The following SPTBN1 variants were observed in gnomAD, a reference collection of about 807,000 sequenced individuals.
The protein encoded by SPTBN1 is spectrin beta, non-erythrocytic 1.
In SPTBN1, 32 loss-of-function variants were observed where a neutral mutation model predicts 266.4. The ratio of observed to expected loss-of-function variants is 0.12; its 90% CI spans 0.09 to 0.16. The LOEUF is 0.16. SPTBN1 is among the 10% of genes least tolerant of loss of function. SPTBN1 has a pLI of 1.00. For synonymous variants in SPTBN1, 1,336 were observed against 1,162.2 expected (o/e 1.15, Z -3.04); for missense variants, 2,296 against 3,067.1 (o/e 0.75, Z 5.94).
At position 54,670,976 on chromosome 2, in the gene SPTBN1, C is replaced by T; in HGVS notation, c.*2407C>T. 2.5e-6 allele frequency: 1 copy of T among 396,248 alleles called. No individual in the cohort carries two copies. Among genetic ancestry groups the T allele is most frequent in the Non-Finnish European group, 4.4e-6 (1 of 225,308 alleles). The allele number at this position is 396,248 out of a possible 1,614,324, so 24.5% of individuals were successfully genotyped here. A position where few individuals can be genotyped will look rare whatever the true frequency, so the allele number is the denominator to read the frequency against. ...GTTTTTTGTTTTTTTTTTATTCTTC[C>T]ACTATCATGTTTTTTGAGGATTTTG... On this transcript the variant is annotated 3_prime_UTR_variant, in exon 36 of 36. Transcript: ENST00000356805.
intron 9 of SPTBN1, among the ~76,000 whole-genome samples, chr2:54,623,002 T>C (rs1678094658): frequency 6.6e-6 from 1 of 152,220 alleles, no homozygotes; most frequent in South Asian, 2.1e-4. Flanking sequence ...TTCATATCTT[T>C]TTTAAGTTCA....
intron 2 of SPTBN1, among the ~76,000 whole-genome samples, chr2:54,575,461 T>TAATGC (rs1439777982): frequency 1.3e-5 from 2 of 152,236 alleles, no homozygotes; most frequent in Admixed American, 6.5e-5. Context: ...GAGGGATGAG[T>TAATGC]AATGCATCTG....
In SPTBN1 at chr2:54,601,592, A is replaced by G. The variant is rs369705811; in HGVS notation, c.300+2349A>G. 4.9e-4 allele frequency among the ~76,000 whole-genome samples: 74 copies of G among 152,322 alleles called. 1 individual carries two copies. Among genetic ancestry groups the G allele is most frequent in the African/African-American group, 1.7e-3 (69 of 41,570 alleles). ...CCAGCTAAGTGTGTCATCAGATAAC[A>G]TTAGCTGGGCTTTCTGCACCAGTGG... is the stretch of plus-strand genomic sequence containing the variant. On this transcript the variant is annotated intron_variant, in intron 3 of 35. Transcript: ENST00000356805.
chr2:54,646,737 C>CT lies in SPTBN1; in HGVS notation c.4866+263dup, dbSNP rs1458281201. Among the ~76,000 whole-genome samples, 1 of 152,196 alleles carries CT rather than the reference C, an allele frequency of 6.6e-6. No homozygotes were observed. The highest frequency in any genetic ancestry group is 2.1e-4 in the South Asian group (1 of 4,832). ...AATATGCCAGAGTCCTTCCTGCTGT[C>CT]TATTTATAGGTTCCCTAAACTTTAC... is the stretch of plus-strand genomic sequence containing the variant. On this transcript the variant is annotated intron_variant, in intron 23 of 35. Transcript: ENST00000356805. This position sits in a 1 kb window ranked among gnomAD's most constrained non-coding sequence, Gnocchi z 4.4.
At chr2:54,620,915 G>A (rs1677951670) in intron 7 of SPTBN1, among the ~76,000 whole-genome samples, 1 of 152,150 alleles carries the variant, frequency 6.6e-6, no homozygotes. Context: ...AAGGAAATCG[G>A]GAAAGCTGGT....
Position 54,642,977 on chromosome 2 carries a change from C to T in SPTBN1, c.3859-6C>T, listed in dbSNP as rs750542841. On this transcript the variant is annotated splice_polypyrimidine_tract_variant and splice_region_variant and intron_variant, in intron 18 of 35. Coordinates refer to ENST00000356805, the MANE Select transcript of SPTBN1 (RefSeq NM_003128.3). ...CAATCTCTGAATCCTTCTGATCTTTCTGTAGCTGTCTCTCTGGATCAATGA... is the reference window on the plus strand; with the variant it reads ...CAATCTCTGAATCCTTCTGATCTTTTTGTAGCTGTCTCTCTGGATCAATGA... 3.1e-6 allele frequency: 5 copies of T among 1,611,180 alleles called. No homozygotes were observed. The highest frequency in any genetic ancestry group is 4.2e-6 in the Non-Finnish European group (5 of 1,178,552).
chr2:54,466,561 C>CAAAAACAAAAAAAAAAAAAAAA (rs1693644585), intron 1 of SPTBN1, among the ~76,000 whole-genome samples: 1 of 4,990 alleles, frequency 2.0e-4, no homozygotes, highest in Non-Finnish European at 2.6e-4. Context: ...GACTCCGTCT[C>CAAAAACAAAAAAAAAAAAAAAA]AAAAAAAAAA....
Position 54,659,213 on chromosome 2 carries a change from T to G in SPTBN1, c.6303T>G (p.Pro2101=). The G allele has an allele frequency of 1.2e-6, 2 of 1,614,062 alleles. No homozygotes were observed. The highest frequency in any genetic ancestry group is 8.5e-7 in the Non-Finnish European group (1 of 1,179,994). The change falls in exon 31 of 36, where the codon CCT becomes CCG. Residue 2101 remains proline, a synonymous_variant. Coordinates refer to ENST00000356805, the MANE Select transcript of SPTBN1 (RefSeq NM_003128.3). The stretch of plus-strand genomic sequence containing the variant: ...AAGAGGAGAGGAAGAGGCGGCCGCC[T>G]TCTCCCGAGCCGAGCACGAAGGTTT... ...QEEEERKRRP[P]SPEPSTKVSE...
intron 2 of SPTBN1, among the ~76,000 whole-genome samples, chr2:54,589,622 A>G (rs1324153687): frequency 1.3e-5 from 2 of 152,324 alleles, no homozygotes; most frequent in East Asian, 3.9e-4. Flanking sequence ...AACTATTGTA[A>G]CTCAAATTCT....
chr2:54,467,084 C>T (rs1693675968), intron 1 of SPTBN1, among the ~76,000 whole-genome samples: 1 of 151,890 alleles, frequency 6.6e-6, no homozygotes, highest in Non-Finnish European at 1.5e-5. Context: ...GGTGAAGTTT[C>T]GTTTCCCTAC....
At chr2:54,496,528 T>C (rs1185649378) in intron 1 of SPTBN1, among the ~76,000 whole-genome samples, 1 of 152,122 alleles carries the variant, frequency 6.6e-6, no homozygotes, top group African/African-American at 2.4e-5. Flanking sequence ...ATTAGAAGCA[T>C]TTCACATGTA....
chr2:54,460,524 C>A (rs953645789), intron 1 of SPTBN1, among the ~76,000 whole-genome samples: 1 of 152,140 alleles, frequency 6.6e-6, no homozygotes, highest in Non-Finnish European at 1.5e-5. Context: ...GACATCAGAG[C>A]TGGAGCCTCG....
At chr2:54,521,423 T>C (rs2104291442) in intron 1 of SPTBN1, among the ~76,000 whole-genome samples, 1 of 152,360 alleles carries the variant, frequency 6.6e-6, no homozygotes, top group East Asian at 1.9e-4. Context: ...AAGGACATTG[T>C]CTTTGAACAG....
Position 54,653,569 on chromosome 2 carries a change from C to T in SPTBN1, c.5578-40C>T. On this transcript the variant is annotated intron_variant, in intron 26 of 35. Coordinates refer to ENST00000356805, the MANE Select transcript of SPTBN1 (RefSeq NM_003128.3). The surrounding 1 kb of genome is among the most constrained non-coding windows in gnomAD (Gnocchi z 5.1). Reference sequence around the variant, plus strand: ...GCTTGGGGTGATGGTGGGAAGGCCGCCATGGGCTGACCTGGCTCATCCCCT... The same window carrying T: ...GCTTGGGGTGATGGTGGGAAGGCCGTCATGGGCTGACCTGGCTCATCCCCT... The T allele has an allele frequency of 6.2e-7, 1 of 1,602,364 alleles. No homozygotes were observed. Among genetic ancestry groups the T allele is most frequent in the Non-Finnish European group, 8.5e-7 (1 of 1,177,024 alleles).
intron 1 of SPTBN1, among the ~76,000 whole-genome samples, chr2:54,463,614 G>A (rs944631669): frequency 2.6e-5 from 4 of 152,114 alleles, no homozygotes; most frequent in Non-Finnish European, 5.9e-5. Flanking sequence ...CTACCACATA[G>A]GATTATTAAA....
intron 2 of SPTBN1, among the ~76,000 whole-genome samples, chr2:54,565,022 T>A (rs747116893): frequency 1.3e-5 from 2 of 152,088 alleles, no homozygotes; most frequent in African/African-American, 2.4e-5. Flanking sequence ...CAAAATGAGG[T>A]CCCCAGGTCA....
In SPTBN1 at chr2:54,628,905, GC is replaced by G; in HGVS notation, c.1799-26del. The stretch of plus-strand genomic sequence containing the variant: ...CACCCATGCTGAGCTCCCTCACACA[GC>G]CACGTTCCTTCCTTGATGTTAAACA... On this transcript the variant is annotated intron_variant, in intron 13 of 35. Transcript: ENST00000356805. This position sits in a 1 kb window ranked among gnomAD's most constrained non-coding sequence, Gnocchi z 4.3. 6.4e-7 allele frequency: 1 copy of G among 1,554,524 alleles called. No homozygotes were observed. Among genetic ancestry groups the G allele is most frequent in the South Asian group, 1.2e-5 (1 of 80,564 alleles).
Position 54,649,695 on chromosome 2 carries a change from G to A in SPTBN1, c.5283G>A (p.Leu1761=), listed in dbSNP as rs377177782. The change falls in exon 26 of 36, where the codon CTG becomes CTA. Residue 1761 remains leucine (L), a synonymous_variant. Transcript: ENST00000356805. The surrounding 1 kb of genome is among the most constrained non-coding windows in gnomAD (Gnocchi z 6.7). ...AGCGCGTGGACACGGTCAATCACCT[G>A]GCAGATGAGCTCATCAACTCTGGAC... ...GQERVDTVNH[L]ADELINSGHS... The A allele has an allele frequency of 2.5e-6, 4 of 1,614,120 alleles. No individual in the cohort carries two copies. The South Asian group carries it at 4.4e-5, about 18-fold the overall frequency.
intron 2 of SPTBN1, among the ~76,000 whole-genome samples, chr2:54,572,657 C>A (rs902438196): frequency 1.3e-5 from 2 of 152,184 alleles, no homozygotes; most frequent in Non-Finnish European, 2.9e-5. Context: ...TACAAAAAAT[C>A]TTTGTTTTTC....
Sources: gnomAD v4.1 joint callset for allele counts (sites outside exome capture counted in the v4.1 genomes callset) on GRCh38, gnomAD v4.1.1 for gene constraint, Gnocchi (gnomAD v3.1) non-coding constraint, MANE v1.5 for transcripts, NCBI Gene and HGNC (gene_info 2026-07-23, HGNC 2026-07-21) for gene names.